CACNA1F: variants seen among roughly 807,000 people sequenced by gnomAD.
CACNA1F encodes the protein calcium voltage-gated channel subunit alpha1 F.
Under a neutral mutation model 143.8 loss-of-function variants are expected in CACNA1F, and 59 were observed. The ratio of observed to expected loss-of-function variants is 0.41; its 90% CI spans 0.33 to 0.51. The LOEUF (loss-of-function observed/expected upper bound fraction) is 0.51, where lower values mean the gene tolerates loss of function less well. CACNA1F is among the 20% of genes least tolerant of loss of function. CACNA1F has a pLI of 0.22. For synonymous variants in CACNA1F, 643 were observed against 649.1 expected (o/e 0.99, Z 0.14); for missense variants, 1,411 against 1,647.5 (o/e 0.86, Z 2.48).
chrX:49,210,097 C>T, intron 39 of CACNA1F, 55 bp from the exon 40 acceptor site: 2 of 893,541 alleles, frequency 2.2e-6, no homozygotes, highest in East Asian at 3.1e-5. Flanking sequence ...TCCACAGCTG[C>T]CCCCTCACTG....
rs1557110213 is a variant in CACNA1F at position 49,227,073 on chromosome X, C to A, written c.1173G>T (p.Gln391His). The change falls in exon 9 of 48, where the codon CAG becomes CAT. Residue 391 changes from glutamine (Q) to histidine (H), a missense_variant. Around this residue, in one of 3 missense-constraint regions of CACNA1F, gnomAD observed 950 missense variants for 1,128.1 expected, o/e 0.84. Coordinates refer to ENST00000323022, the MANE Select transcript of CACNA1F (RefSeq NM_001256789.3). ...CTTCCTCCATCTGCTGCTTCTCCCG[C>A]TGCTTCTGGAAGTCCCCGCGAGCTT... ...KAKARGDFQK[Q>H]REKQQMEEDL... is the part of the protein sequence containing the mutation. 3 of 1,205,574 alleles carry A rather than the reference C, an allele frequency of 2.5e-6. No individual in the cohort carries two copies.
intron 33 of CACNA1F, 42 bp downstream of exon 33, chrX:49,212,625 A>G (rs782609230): frequency 1.7e-6 from 2 of 1,191,807 alleles, no homozygotes; most frequent in Non-Finnish European, 2.3e-6. Context: ...GAAGTGTGAA[A>G]TGGGGGCGAG....
intron 17 of CACNA1F, among the ~76,000 whole-genome samples, chrX:49,221,464 A>G (rs1219068541): frequency 1.8e-5 from 2 of 110,755 alleles, no homozygotes; most frequent in African/African-American, 6.5e-5. Flanking sequence ...GCTAGAGGGC[A>G]GTGGTGCGAT....
chrX:49,211,900 G>A lies in CACNA1F; in HGVS notation c.4098C>T (p.Phe1366=). ...GCAGGGGAGTGAGTAGATGTCACCTGAACAGAAGCAGCACAGCCTGTGGAA... is the reference window on the plus strand; with the variant it reads ...GCAGGGGAGTGAGTAGATGTCACCTAAACAGAAGCAGCACAGCCTGTGGAA... ...QTFPQAVLLL[F]RCATGEAWQE... is the part of the protein sequence containing the mutation. The change falls in exon 35 of 48, where the codon TTC becomes TTT. Residue 1366 remains phenylalanine (F), a splice_region_variant and synonymous_variant. Transcript: ENST00000323022. 1.7e-6 allele frequency: 2 copies of A among 1,208,753 alleles called. No homozygotes were observed. Among genetic ancestry groups the A allele is most frequent in the South Asian group, 3.5e-5 (2 of 56,956 alleles).
Position 49,231,769 on chromosome X carries a change from C to T in CACNA1F, c.184G>A (p.Val62Met). The change falls in exon 2 of 48, where the codon GTG becomes ATG. Residue 62 changes from valine (V) to methionine (M), a missense_variant. Val to Met is a conservative substitution (Grantham distance 21). Transcript: ENST00000323022. ...NQHSKHKTVA[V>M]ASAQRSPRAL... ...CGAGGTGACCGCTGGGCACTGGCCA[C>T]TGCCACTGTCTTGTGCTTGCTGTGC... is the stretch of plus-strand genomic sequence containing the variant. 1 of 1,211,770 alleles carries T rather than the reference C, an allele frequency of 8.3e-7. No homozygotes were observed. Among genetic ancestry groups the T allele is most frequent in the Non-Finnish European group, 1.1e-6 (1 of 895,310 alleles).
intron 12 of CACNA1F, 23 bp from the exon 13 acceptor site, chrX:49,226,092 G>A: frequency 1.7e-6 from 2 of 1,192,400 alleles, no homozygotes; most frequent in Non-Finnish European, 2.3e-6. Context: ...GAGCCCACAG[G>A]CTGAGATCAC....
At position 49,209,253 on chromosome X, in the gene CACNA1F, T is replaced by C. The variant is rs370122978; in HGVS notation, c.4953+9A>G. Reference sequence around the variant, plus strand: ...TCAAGTTCCTGGGAGAGTGAAAACTTGTCCCCACTTTGTTAGTTTCCAAGT... The same window carrying C: ...TCAAGTTCCTGGGAGAGTGAAAACTCGTCCCCACTTTGTTAGTTTCCAAGT... On this transcript the variant is annotated intron_variant, in intron 42 of 47. Coordinates refer to ENST00000323022, the MANE Select transcript of CACNA1F (RefSeq NM_001256789.3). 2.0e-5 allele frequency: 24 copies of C among 1,202,094 alleles called. No individual in the cohort carries two copies. In the African/African-American group the frequency reaches 3.9e-4, roughly 19 times the overall value.
chrX:49,224,789 G>A lies in CACNA1F; in HGVS notation c.1849C>T (p.Arg617Cys), dbSNP rs782743353. 1.7e-5 allele frequency: 20 copies of A among 1,181,378 alleles called. No individual in the cohort carries two copies. Among genetic ancestry groups the A allele is most frequent in the South Asian group, 7.4e-5 (4 of 53,970 alleles). The change falls in exon 14 of 48, where the codon CGC becomes TGC. Residue 617 changes from arginine to cysteine, a missense_variant. Coordinates refer to ENST00000323022, the MANE Select transcript of CACNA1F (RefSeq NM_001256789.3). ...GTGACCTTAAAGATCCTGAGGAGGC[G>A]CACACATCGGAGCACTGAGATGCCC... ...PLGISVLRCVRLLRIFKVTRH... is the reference protein window; with the variant it reads ...PLGISVLRCVCLLRIFKVTRH...
chrX:49,206,974 G>T (rs2065604043), intron 44 of CACNA1F, 31 bp downstream of exon 44: 3 of 906,678 alleles, frequency 3.3e-6, no homozygotes, highest in African/African-American at 3.9e-5. Flanking sequence ...CCCAGCTCAT[G>T]GGTTCATCCC....
intron 10 of CACNA1F, 53 bp from the exon 11 acceptor site, chrX:49,226,555 C>T (rs1452928789): frequency 8.6e-7 from 1 of 1,159,917 alleles, no homozygotes; most frequent in African/African-American, 1.8e-5. Context: ...GAGGTCCAAT[C>T]TTTGGCTTTC....
Position 49,230,467 on chromosome X carries a change from T to G in CACNA1F, c.664A>C (p.Ser222Arg). Residue 222 changes from serine (S) to arginine (R), a missense_variant and splice_region_variant, in exon 5 of 48, where the codon AGC (serine) becomes CGC (arginine). Transcript: ENST00000323022. ...RPLRLVSGVP[S>R]LHIVLNSIMK... Reference sequence around the variant, plus strand: ...CGACCTCGGGGGATGTGCCACTCACTCGGGACCCCAGACACCAGCCTCAGT... The same window carrying G: ...CGACCTCGGGGGATGTGCCACTCACGCGGGACCCCAGACACCAGCCTCAGT... The G allele has an allele frequency of 8.3e-7, 1 of 1,206,718 alleles. No homozygotes were observed. The highest frequency in any genetic ancestry group is 1.1e-6 in the Non-Finnish European group (1 of 893,130).
Position 49,216,434 on chromosome X carries a change from G to A in CACNA1F, c.3184C>T (p.Leu1062Phe), listed in dbSNP as rs2065716962. Reference protein sequence around the residue: ...VNSDFNFDNVLSAMMALFTVS... With the variant: ...VNSDFNFDNVFSAMMALFTVS... ...GTGAACAGGGCCATCATGGCTGAAA[G>A]GACATTGTCAAAGTTGAAATCACTG... Residue 1062 changes from leucine to phenylalanine, a missense_variant, in exon 27 of 48, where the codon CTT becomes TTT. Around this residue, in one of 3 missense-constraint regions of CACNA1F, gnomAD observed 950 missense variants for 1,128.1 expected, o/e 0.84. Transcript: ENST00000323022. 1.7e-6 allele frequency: 2 copies of A among 1,208,541 alleles called. No homozygotes were observed. The highest frequency in any genetic ancestry group is 4.4e-5 in the Admixed American group (2 of 45,715).
At chrX:49,205,454 A>G in intron 47 of CACNA1F, 87 bp from the exon 48 acceptor site, 6 of 862,614 alleles carry the variant, frequency 7.0e-6, no homozygotes, top group Non-Finnish European at 1.0e-5. Context: ...CCATGAGGGC[A>G]TGTAGGGAAG....
rs782171992 is a variant in CACNA1F at position 49,214,145 on chromosome X, AG to A, written c.3708+13del. The A allele has an allele frequency of 1.8e-4, 197 of 1,084,507 alleles. No individual in the cohort carries two copies. Among genetic ancestry groups the A allele is most frequent in the Non-Finnish European group, 2.3e-4 (180 of 780,471 alleles). 89.4% of individuals were successfully genotyped at this position (1,084,507 alleles called of 1,213,427 possible). A position where few individuals can be genotyped will look rare whatever the true frequency, so the allele number is the denominator to read the frequency against. ...TTCATCCACTGGTGGGTGGGGCTAG[AG>A]AAGGGGGGCCACCTTGGGCTTGAAG... On this transcript the variant is annotated intron_variant, in intron 30 of 47. Transcript: ENST00000323022.
intron 14 of CACNA1F, 30 bp downstream of exon 14, chrX:49,224,731 C>CCCTT (rs1189400355): frequency 2.4e-5 from 23 of 964,484 alleles, no homozygotes; most frequent in Non-Finnish European, 2.9e-5. Flanking sequence ...GTGTTTGAGG[C>CCCTT]CCTTGTCTTC....
chrX:49,210,641 G>C lies in CACNA1F; in HGVS notation c.4434C>G (p.Ile1478Met). The C allele has an allele frequency of 8.3e-7, 1 of 1,211,170 alleles. No individual in the cohort carries two copies. The highest frequency in any genetic ancestry group is 1.1e-6 in the Non-Finnish European group (1 of 895,145). The change falls in exon 38 of 48, where the codon ATC (isoleucine) becomes ATG (methionine). Residue 1478 changes from isoleucine to methionine, a missense_variant. This residue lies in a region of CACNA1F where 112 missense variants were observed against 169.2 expected (regional missense o/e 0.66). Coordinates refer to ENST00000323022, the MANE Select transcript of CACNA1F (RefSeq NM_001256789.3). Reference protein sequence around the residue: ...HLDVVALLRRIQPPLGFGKLC... With the variant: ...HLDVVALLRRMQPPLGFGKLC... ...GCTTCCCAAATCCCAGAGGGGGCTG[G>C]ATACGTCTCAGCAGGGCAACCACAT...
Position 49,219,390 on chromosome X carries a change from C to T in CACNA1F, c.2604G>A (p.Val868=), listed in dbSNP as rs781962313. The change falls in exon 21 of 48, where the codon GTG becomes GTA. Residue 868 remains valine (V), a synonymous_variant. Transcript: ENST00000323022. ...HHHVFTNLIL[V]FIILSSVSLA... The stretch of plus-strand genomic sequence containing the variant: ...GGGACACACTGCTGAGGATGATGAA[C>T]ACCAGGATAAGATTGGTGAAGACAT... 8.3e-7 allele frequency: 1 copy of T among 1,209,035 alleles called. No individual in the cohort carries two copies. The highest frequency in any genetic ancestry group is 2.2e-5 in the Admixed American group (1 of 45,895).
Position 49,212,328 on chromosome X carries a change from G to A in CACNA1F, c.3943-20C>T, listed in dbSNP as rs782524886. 1 of 1,147,894 alleles carries A rather than the reference G, an allele frequency of 8.7e-7. No individual in the cohort carries two copies. Among genetic ancestry groups the A allele is most frequent in the Non-Finnish European group, 1.2e-6 (1 of 837,890 alleles). 94.6% of individuals were successfully genotyped at this position (1,147,894 alleles called of 1,213,427 possible). ...CAAGGCCTATAGGGATGGGGGAGGGGGGCAGAGAATAGATGCACAGGCTCA... is the reference window on the plus strand; with the variant it reads ...CAAGGCCTATAGGGATGGGGGAGGGAGGCAGAGAATAGATGCACAGGCTCA... On this transcript the variant is annotated intron_variant, in intron 33 of 47. Transcript: ENST00000323022.
intron 17 of CACNA1F, among the ~76,000 whole-genome samples, chrX:49,222,083 T>G (rs2065780410): frequency 9.0e-6 from 1 of 111,122 alleles, no homozygotes; most frequent in Non-Finnish European, 1.9e-5. Context: ...TTTGCATGGC[T>G]CACTCCCTCA....
Sources: gnomAD v4.1 joint callset for allele counts (sites outside exome capture counted in the v4.1 genomes callset) on GRCh38, gnomAD v4.1.1 for gene constraint, gnomAD v4.1.1 regional missense constraint, MANE v1.5 for transcripts, NCBI Gene and HGNC (gene_info 2026-07-23, HGNC 2026-07-21) for gene names.